SYVN1: variants seen among roughly 807,000 people sequenced by gnomAD.
SYVN1 encodes the protein synoviolin 1, also known as E3 ubiquitin-protein ligase synoviolin.
In SYVN1, 17 loss-of-function variants were observed where a neutral mutation model predicts 62.6. That is an observed-to-expected ratio of 0.27 (90% CI 0.19 to 0.41). The LOEUF (loss-of-function observed/expected upper bound fraction) is 0.41, where lower values mean the gene tolerates loss of function less well. SYVN1 is among the 10% of genes least tolerant of loss of function. The pLI is 1.00. For synonymous variants in SYVN1, 316 were observed against 304.0 expected (o/e 1.04, Z -0.41); for missense variants, 634 against 818.0 (o/e 0.78, Z 2.74).
chr11:65,128,512 G>A (rs940893649), intron 15 of SYVN1, 24 bp from the exon 16 acceptor site: 22 of 1,613,154 alleles, frequency 1.4e-5, no homozygotes, highest in Middle Eastern at 1.6e-4. Context: ...GACTGGAAGT[G>A]GAACCTAGAG....
chr11:65,129,552 T>C (rs184438821), intron 14 of SYVN1, 177 bp downstream of exon 14: 17 of 589,210 alleles, frequency 2.9e-5, no homozygotes, highest in Middle Eastern at 4.6e-4. Flanking sequence ...ACATGCTTTC[T>C]GGAGTGGGAA....
intron 6 of SYVN1, 108 bp downstream of exon 6, chr11:65,132,140 G>T: frequency 1.2e-6 from 1 of 851,186 alleles, no homozygotes; most frequent in African/African-American, 1.7e-5. Flanking sequence ...TTGGTGGCCA[G>T]CACAGGTTGG....
intron 3 of SYVN1, 30 bp from the exon 4 acceptor site, chr11:65,133,104 A>G: frequency 1.2e-6 from 2 of 1,614,152 alleles, no homozygotes; most frequent in South Asian, 1.1e-5. Context: ...TAATGTGGAT[A>G]CCAAACATTC....
chr11:65,132,420 G>A lies in SYVN1; in HGVS notation c.428-69C>T, dbSNP rs372538459. On this transcript the variant is annotated intron_variant, in intron 5 of 15. Transcript: ENST00000377190. ...GGCCCAACAGCTGTTTAATGCTCTA[G>A]GACAGCCCCACCCTCAAGCCCACCA... The A allele has an allele frequency of 1.2e-5, 13 of 1,108,174 alleles. No individual in the cohort carries two copies. In the East Asian group the frequency reaches 1.2e-4, roughly 10 times the overall value. The allele number at this position is 1,108,174 out of a possible 1,614,324, so 68.6% of individuals were successfully genotyped here.
Position 65,128,170 on chromosome 11 carries a change from G to A in SYVN1, c.*212C>T. ...GCTGAAGAGTTGGAGAGGAAGGCTGGAACTGACCCGAGATCCCCATGGCTG... is the reference window on the plus strand; with the variant it reads ...GCTGAAGAGTTGGAGAGGAAGGCTGAAACTGACCCGAGATCCCCATGGCTG... On this transcript the variant is annotated 3_prime_UTR_variant, in exon 16 of 16. Coordinates refer to ENST00000377190, the MANE Select transcript of SYVN1 (RefSeq NM_172230.3). 1 of 601,374 alleles carries A rather than the reference G, an allele frequency of 1.7e-6. No homozygotes were observed. 37.3% of individuals were successfully genotyped at this position (601,374 alleles called of 1,614,324 possible). A position where few individuals can be genotyped will look rare whatever the true frequency, so the allele number is the denominator to read the frequency against.
intron 4 of SYVN1, 33 bp from the exon 5 acceptor site, chr11:65,132,813 G>C: frequency 6.2e-7 from 1 of 1,613,960 alleles, no homozygotes; most frequent in Non-Finnish European, 8.5e-7. Context: ...CCTGTCAGGA[G>C]GCCTGGGGCT....
At chr11:65,133,423 C>T (rs1270255315) in intron 2 of SYVN1, 47 bp downstream of exon 2, 1 of 1,605,362 alleles carries the variant, frequency 6.2e-7, no homozygotes, top group African/African-American at 1.3e-5. Context: ...AGGCAGACTC[C>T]TCCTTCCCTC....
intron 11 of SYVN1, 109 bp downstream of exon 11, chr11:65,130,551 G>A: frequency 2.1e-6 from 3 of 1,435,914 alleles, no homozygotes; most frequent in Non-Finnish European, 2.8e-6. Flanking sequence ...CCCTGGCCCA[G>A]ACTGAGATTC....
chr11:65,133,125 C>A lies in SYVN1; in HGVS notation c.225+35G>T, dbSNP rs1272045255. On this transcript the variant is annotated intron_variant, in intron 3 of 15. Coordinates refer to ENST00000377190, the MANE Select transcript of SYVN1 (RefSeq NM_172230.3). ...GGATACCAAACATTCTTTCCCAGCA[C>A]CCTGCCCTCACCTTTGGGGCAGCCG... 2.5e-6 allele frequency: 4 copies of A among 1,614,064 alleles called. No individual in the cohort carries two copies. In the African/African-American group the frequency reaches 5.3e-5, roughly 22 times the overall value.
rs765793823 is a variant in SYVN1, at chr11:65,132,751, G to A, written c.408C>T (p.Leu136=). 1.2e-6 allele frequency: 2 copies of A among 1,614,170 alleles called. No individual in the cohort carries two copies. Among genetic ancestry groups the A allele is most frequent in the Non-Finnish European group, 1.7e-6 (2 of 1,180,040 alleles). The part of the protein sequence containing the change: ...FMERSPNISW[L]FHCRIVSLMF... ...ACTCACAGACAATGCGGCAGTGAAAGAGCCAGGAGATGTTGGGGCTGCGTT... is the reference window on the plus strand; with the variant it reads ...ACTCACAGACAATGCGGCAGTGAAAAAGCCAGGAGATGTTGGGGCTGCGTT... Residue 136 remains leucine (L), a synonymous_variant, in exon 5 of 16, where the codon CTC becomes CTT. Transcript: ENST00000377190.
At position 65,128,433 on chromosome 11, in the gene SYVN1, T is replaced by G. The variant is rs1419546642; in HGVS notation, c.1803A>C (p.Ala601=). The change falls in exon 16 of 16, where the codon GCA becomes GCC. Residue 601 remains alanine, a synonymous_variant. Transcript: ENST00000377190. ...EMPEDGEPDA[A]ELRRRRLQKL... ...TCTGCAGGCGGCGCCGGCGGAGCTC[T>G]GCTGCATCGGGCTCTCCATCCTCAG... 10 of 1,614,146 alleles carry G rather than the reference T, an allele frequency of 6.2e-6. No individual in the cohort carries two copies. Among genetic ancestry groups the G allele is most frequent in the Non-Finnish European group, 8.5e-6 (10 of 1,180,028 alleles).
intron 4 of SYVN1, 52 bp from the exon 5 acceptor site, chr11:65,132,832 A>G: frequency 6.2e-7 from 1 of 1,613,090 alleles, no homozygotes; most frequent in Non-Finnish European, 8.5e-7. Flanking sequence ...CTCACCCCAC[A>G]CCCTCAACCT....
intron 11 of SYVN1, 28 bp downstream of exon 11, chr11:65,130,632 C>T: frequency 1.4e-6 from 2 of 1,473,942 alleles, no homozygotes; most frequent in Non-Finnish European, 1.8e-6. Flanking sequence ...CAGTGGTATG[C>T]CGGGTGGCCA....
intron 6 of SYVN1, among the ~76,000 whole-genome samples, chr11:65,131,887 G>A (rs953282841): frequency 6.6e-6 from 1 of 152,126 alleles, no homozygotes; most frequent in Non-Finnish European, 1.5e-5. Context: ...TGTGAAATTC[G>A]CACTCAACAA....
intron 11 of SYVN1, 97 bp downstream of exon 11, chr11:65,130,563 G>T (rs1159753113): frequency 6.9e-7 from 1 of 1,448,386 alleles, no homozygotes; most frequent in Non-Finnish European, 9.1e-7. Flanking sequence ...CTGAGATTCT[G>T]GAGGGCAGGG....
At chr11:65,134,271 T>TG (rs1948219245) in intron 1 of SYVN1, 185 bp downstream of exon 1, 2 of 152,736 alleles carry the variant, frequency 1.3e-5, no homozygotes, top group African/African-American at 4.8e-5. Flanking sequence ...CACCAGGAGT[T>TG]GCGGGCGTCG....
intron 1 of SYVN1, among the ~76,000 whole-genome samples, chr11:65,133,961 G>A (rs932711108): frequency 2.0e-5 from 3 of 152,238 alleles, no homozygotes; most frequent in African/African-American, 7.2e-5. Context: ...GGAGAAGATG[G>A]GGTGGGAGGC....
In SYVN1 at chr11:65,128,329, T is replaced by C; in HGVS notation, c.*53A>G. 1 of 1,453,720 alleles carries C rather than the reference T, an allele frequency of 6.9e-7. No individual in the cohort carries two copies. The highest frequency in any genetic ancestry group is 1.2e-5 in the South Asian group (1 of 84,702). 90.1% of individuals were successfully genotyped at this position (1,453,720 alleles called of 1,614,324 possible). On this transcript the variant is annotated 3_prime_UTR_variant, in exon 16 of 16. Coordinates refer to ENST00000377190, the MANE Select transcript of SYVN1 (RefSeq NM_172230.3). ...AGCTGGCACTTGGTGGCAGGACATGTTCCAGCGAGGGCTGCTCAAAAGAGC... is the reference window on the plus strand; with the variant it reads ...AGCTGGCACTTGGTGGCAGGACATGCTCCAGCGAGGGCTGCTCAAAAGAGC...
intron 1 of SYVN1, among the ~76,000 whole-genome samples, chr11:65,134,064 C>G (rs968294113): frequency 1.3e-5 from 2 of 152,242 alleles, no homozygotes; most frequent in African/African-American, 4.8e-5. Context: ...GGCGACAGCG[C>G]CGGTGACAGC....
Sources: gnomAD v4.1 joint callset for allele counts (sites outside exome capture counted in the v4.1 genomes callset) on GRCh38, gnomAD v4.1.1 for gene constraint, MANE v1.5 for transcripts, NCBI Gene and HGNC (gene_info 2026-07-23, HGNC 2026-07-21) for gene names.